The following LHFPL3 variants were observed in gnomAD, a reference collection of about 807,000 sequenced individuals.
The protein encoded by LHFPL3 is LHFPL tetraspan subfamily member 3 protein.
A neutral mutation model predicts 19.3 loss-of-function variants in LHFPL3; 5 were observed. The observed-to-expected ratio is 0.26, with a 90% CI of 0.14 to 0.54. The LOEUF (loss-of-function observed/expected upper bound fraction) is 0.54, where lower values mean the gene tolerates loss of function less well. Among genes scored for constraint, LHFPL3 ranks in the 20% least tolerant of loss-of-function variants. The probability of loss-of-function intolerance (pLI) is 0.94; values close to 1 mark genes in which losing one functional copy is unlikely to be tolerated. For missense variants in LHFPL3, 249 were observed against 307.4 expected, an observed-to-expected ratio of 0.81 and a Z score of 1.42; for synonymous variants, 133 against 126.2, an observed-to-expected ratio of 1.05 and a Z score of -0.36.
chr7:104,788,762 G>A (rs777571091), intron 2 of LHFPL3, among the ~76,000 whole-genome samples: 6 of 152,176 alleles, frequency 3.9e-5, no homozygotes, highest in African/African-American at 7.2e-5. Flanking sequence ...TTTCCTGAGC[G>A]TTAAGGAGAG....
intron 1 of LHFPL3, among the ~76,000 whole-genome samples, chr7:104,707,314 T>G (rs1793210406): frequency 1.3e-5 from 2 of 152,218 alleles, no homozygotes. Flanking sequence ...TCTAGGACTG[T>G]GTCAGCCTGA....
intron 1 of LHFPL3, among the ~76,000 whole-genome samples, chr7:104,421,957 A>G (rs1437833132): frequency 5.3e-5 from 8 of 152,142 alleles, no homozygotes; most frequent in Non-Finnish European, 1.0e-4. Flanking sequence ...TCTATCTACT[A>G]TGGGAAAACG....
In LHFPL3 at chr7:104,373,438, T is replaced by C. The variant is rs527313241; in HGVS notation, c.445+44214T>C. Among the ~76,000 whole-genome samples the C allele has an allele frequency of 5.3e-5, 8 of 152,324 alleles. No individual in the cohort carries two copies. The South Asian group carries it at 1.2e-3, about 24-fold the overall frequency. ...TAAAGTTATTTTTGCTTTCTACTTATTGATGGTCACTGTGCTATAACCTGC... is the reference window on the plus strand; with the variant it reads ...TAAAGTTATTTTTGCTTTCTACTTACTGATGGTCACTGTGCTATAACCTGC... On this transcript the variant is annotated intron_variant, in intron 1 of 2. Coordinates refer to ENST00000424859, the MANE Select transcript of LHFPL3 (RefSeq NM_199000.3).
chr7:104,559,694 C>T (rs1240127757), intron 1 of LHFPL3, among the ~76,000 whole-genome samples: 8 of 152,092 alleles, frequency 5.3e-5, no homozygotes, highest in African/African-American at 1.7e-4. Context: ...CCTAATTGCC[C>T]TGGCCAGAAC....
intron 2 of LHFPL3, among the ~76,000 whole-genome samples, chr7:104,848,683 T>C (rs1034626606): frequency 2.0e-5 from 3 of 152,142 alleles, no homozygotes; most frequent in African/African-American, 4.8e-5. Context: ...AGGAGTCCTA[T>C]GGGCTGCCCC....
chr7:104,472,216 A>G (rs1041695428), intron 1 of LHFPL3, among the ~76,000 whole-genome samples: 5 of 151,982 alleles, frequency 3.3e-5, no homozygotes, highest in Non-Finnish European at 5.9e-5. Context: ...TAGTAAATAT[A>G]TACTTTTTTA....
intron 1 of LHFPL3, among the ~76,000 whole-genome samples, chr7:104,728,527 T>C (rs148862300): frequency 3.3e-5 from 5 of 152,328 alleles, no homozygotes; most frequent in African/African-American, 1.2e-4. Flanking sequence ...TTCCACATGC[T>C]GTTCCCTGGA....
intron 1 of LHFPL3, among the ~76,000 whole-genome samples, chr7:104,497,766 C>T (rs1354410343): frequency 6.6e-6 from 1 of 152,126 alleles, no homozygotes; most frequent in African/African-American, 2.4e-5. Flanking sequence ...CCCGGTGTTG[C>T]CCATTAATCC....
At chr7:104,783,390 G>A (rs1483003463) in intron 2 of LHFPL3, among the ~76,000 whole-genome samples, 2 of 152,156 alleles carry the variant, frequency 1.3e-5, no homozygotes, top group African/African-American at 4.8e-5. Context: ...CCCACAGTCA[G>A]GGACTGTATC....
chr7:104,389,434 A>G (rs1316826853), intron 1 of LHFPL3, among the ~76,000 whole-genome samples: 1 of 152,192 alleles, frequency 6.6e-6, no homozygotes, highest in African/African-American at 2.4e-5. Context: ...GAAGATGGCA[A>G]TGCTTCCTTA....
intron 1 of LHFPL3, among the ~76,000 whole-genome samples, chr7:104,676,937 A>G (rs1045821817): frequency 6.6e-6 from 1 of 152,238 alleles, no homozygotes; most frequent in Non-Finnish European, 1.5e-5. Flanking sequence ...TTCAACTACA[A>G]AGATGTTTAC....
intron 2 of LHFPL3, among the ~76,000 whole-genome samples, chr7:104,793,192 G>A (rs2116452759): frequency 6.6e-6 from 1 of 152,286 alleles, no homozygotes; most frequent in Middle Eastern, 3.4e-3. Flanking sequence ...CACCGCGCCT[G>A]GCCCTGCTAG....
chr7:104,565,673 C>CTT (rs138757133), intron 1 of LHFPL3, among the ~76,000 whole-genome samples: 3 of 149,202 alleles, frequency 2.0e-5, no homozygotes, highest in East Asian at 2.0e-4. Flanking sequence ...AACAGTTAGA[C>CTT]TTTTTTTTTT....
At chr7:104,471,721 A>T (rs1428007163) in intron 1 of LHFPL3, among the ~76,000 whole-genome samples, 2 of 152,230 alleles carry the variant, frequency 1.3e-5, no homozygotes, top group African/African-American at 4.8e-5. Context: ...ATTTTAATTA[A>T]TAGAACCAGA....
At chr7:104,748,679 C>A (rs1348113083) in intron 2 of LHFPL3, among the ~76,000 whole-genome samples, 1 of 152,086 alleles carries the variant, frequency 6.6e-6, no homozygotes, top group Non-Finnish European at 1.5e-5. Context: ...GACCCTGACA[C>A]ATCCCCCTCT....
intron 2 of LHFPL3, among the ~76,000 whole-genome samples, chr7:104,764,932 T>C (rs12530678): frequency 3.3e-5 from 5 of 152,218 alleles, no homozygotes; most frequent in Admixed American, 3.3e-4. Context: ...TACATTTCAT[T>C]AGCGCTCATG....
At chr7:104,747,438 T>G (rs1794069397) in intron 2 of LHFPL3, among the ~76,000 whole-genome samples, 2 of 152,152 alleles carry the variant, frequency 1.3e-5, no homozygotes, top group South Asian at 4.1e-4. Context: ...GAATCCCCCG[T>G]GTAGAAAATA....
At chr7:104,768,847 C>G (rs1444761714) in intron 2 of LHFPL3, 2 of 152,172 alleles carry the variant, frequency 1.3e-5, no homozygotes, top group Non-Finnish European at 2.9e-5. Context: ...TCAGAATATT[C>G]AGATACTTTC....
intron 1 of LHFPL3, among the ~76,000 whole-genome samples, chr7:104,551,612 T>A (rs1460258412): frequency 6.6e-6 from 1 of 152,124 alleles, no homozygotes; most frequent in African/African-American, 2.4e-5. Flanking sequence ...ATTATAGTAT[T>A]AATAGTAATA....
Sources: gnomAD v4.1 joint callset for allele counts (sites outside exome capture counted in the v4.1 genomes callset) on GRCh38, gnomAD v4.1.1 for gene constraint, MANE v1.5 for transcripts, NCBI Gene and HGNC (gene_info 2026-07-23, HGNC 2026-07-21) for gene names.